The following PIGK variants were observed in gnomAD, a reference collection of about 807,000 sequenced individuals.
The protein encoded by PIGK is phosphatidylinositol glycan anchor biosynthesis class K.
PIGK carries 42 observed loss-of-function variants against 50.6 expected under a neutral mutation model. The observed-to-expected ratio is 0.83, with a 90% CI of 0.65 to 1.07. PIGK has a LOEUF of 1.07. Ranked by LOEUF, PIGK falls within the 50% of genes least tolerant of loss-of-function variation. PIGK has a pLI of 0.00. For missense variants in PIGK, 448 were observed against 488.7 expected (o/e 0.92, Z 0.78); for synonymous variants, 151 against 156.0 (o/e 0.97, Z 0.24).
intron 1 of PIGK, among the ~76,000 whole-genome samples, chr1:77,219,068 T>G (rs1326868379): frequency 1.3e-5 from 2 of 152,224 alleles, no homozygotes; most frequent in African/African-American, 4.8e-5. Flanking sequence ...TGCACACATG[T>G]AGGAGCAAAG....
chr1:77,150,423 A>C (rs905163064), intron 9 of PIGK, among the ~76,000 whole-genome samples: 2 of 151,284 alleles, frequency 1.3e-5, no homozygotes, highest in Admixed American at 6.6e-5. Context: ...TGGGAGGCTG[A>C]GGCAAAAGGA....
intron 5 of PIGK, among the ~76,000 whole-genome samples, chr1:77,165,369 T>C (rs1655211890): frequency 6.6e-6 from 1 of 152,060 alleles, no homozygotes; most frequent in South Asian, 2.1e-4. Context: ...TTAACTCTAT[T>C]GAGTTAATTT....
intron 4 of PIGK, among the ~76,000 whole-genome samples, chr1:77,168,766 TA>T (rs1323946839): frequency 7.2e-5 from 11 of 151,862 alleles, no homozygotes; most frequent in Admixed American, 2.6e-4. Context: ...CACAATCTTT[TA>T]TATTTAAAAT....
chr1:77,171,547 C>A (rs553589173), intron 3 of PIGK, among the ~76,000 whole-genome samples: 5 of 149,366 alleles, frequency 3.3e-5, no homozygotes, highest in Non-Finnish European at 7.4e-5. Context: ...TATATAATGT[C>A]AATATCAATC....
At chr1:77,192,868 C>T (rs952416633) in intron 3 of PIGK, among the ~76,000 whole-genome samples, 7 of 152,110 alleles carry the variant, frequency 4.6e-5, no homozygotes, top group African/African-American at 1.4e-4. Flanking sequence ...TTGTCCTTTG[C>T]TTCTTTTCTT....
At position 77,219,365 on chromosome 1, in the gene PIGK, A is replaced by T; in HGVS notation, c.38T>A (p.Val13Asp). 1 of 1,613,812 alleles carries T rather than the reference A, an allele frequency of 6.2e-7. No homozygotes were observed. The highest frequency in any genetic ancestry group is 8.5e-7 in the Non-Finnish European group (1 of 1,179,824). The change falls in exon 1 of 11, where the codon GTC becomes GAC. Residue 13 changes from valine (V) to aspartate (D), a missense_variant. Physicochemically the swap from Val to Asp is radical, Grantham distance 152. Coordinates refer to ENST00000370812, the MANE Select transcript of PIGK (RefSeq NM_005482.3). ...VTDSLSRAAT[V>D]LATVLLLSFG... ...GGACAAGAGCAACACAGTTGCCAAG[A>T]CAGTCGCAGCCCGGCTGAGGCTGTC...
chr1:77,093,354 A>G (rs1398876610), intron 10 of PIGK, among the ~76,000 whole-genome samples: 4 of 152,116 alleles, frequency 2.6e-5, no homozygotes, highest in African/African-American at 9.7e-5. Context: ...TTCAACAGCT[A>G]CATTACAGCC....
intron 3 of PIGK, among the ~76,000 whole-genome samples, chr1:77,170,050 C>T (rs1655325757): frequency 6.6e-6 from 1 of 152,200 alleles, no homozygotes; most frequent in Non-Finnish European, 1.5e-5. Context: ...CCCTACCTGG[C>T]ATCCTGCTTC....
intron 9 of PIGK, among the ~76,000 whole-genome samples, chr1:77,145,470 C>T (rs979294529): frequency 1.1e-4 from 17 of 151,850 alleles, no homozygotes; most frequent in African/African-American, 4.1e-4. Context: ...AAATAACATA[C>T]AAAATGTTTA....
chr1:77,196,583 C>T (rs1321391691), intron 3 of PIGK, among the ~76,000 whole-genome samples: 33 of 151,964 alleles, frequency 2.2e-4, no homozygotes, highest in Non-Finnish European at 4.4e-5. Flanking sequence ...TGTTGAGCAC[C>T]TTTTCATGTT....
chr1:77,182,864 T>C (rs1197253429), intron 3 of PIGK, among the ~76,000 whole-genome samples: 2 of 152,328 alleles, frequency 1.3e-5, no homozygotes, highest in East Asian at 1.9e-4. Flanking sequence ...AGGAGTTTAG[T>C]AACTCTATAC....
chr1:77,122,524 A>C (rs1654125326), intron 9 of PIGK, among the ~76,000 whole-genome samples, 165 bp from the exon 10 acceptor site: 2 of 152,348 alleles, frequency 1.3e-5, no homozygotes, highest in South Asian at 4.1e-4. Flanking sequence ...AAAAATTTTA[A>C]ATGACTATAG....
At chr1:77,102,075 A>G (rs1347979480) in intron 10 of PIGK, among the ~76,000 whole-genome samples, 1 of 152,208 alleles carries the variant, frequency 6.6e-6, no homozygotes, top group Admixed American at 6.5e-5. Context: ...AGACTTTCCA[A>G]TTGGGCAAAG....
intron 9 of PIGK, among the ~76,000 whole-genome samples, chr1:77,150,171 TAAAG>T (rs747529388): frequency 1.3e-5 from 2 of 151,940 alleles, no homozygotes; most frequent in Non-Finnish European, 2.9e-5. Flanking sequence ...CTATGCAACT[TAAAG>T]AACTCAAAAA....
chr1:77,217,167 G>A (rs924094749), intron 1 of PIGK, among the ~76,000 whole-genome samples: 6 of 152,144 alleles, frequency 3.9e-5, no homozygotes, highest in African/African-American at 1.2e-4. Flanking sequence ...ACAATGCTGG[G>A]CAAAAATAGC....
intron 8 of PIGK, 96 bp from the exon 9 acceptor site, chr1:77,154,717 A>G: frequency 1.3e-6 from 1 of 787,152 alleles, no homozygotes; most frequent in Non-Finnish European, 2.0e-6. Flanking sequence ...TGTATTTTTA[A>G]AACTCTCCCA....
intron 3 of PIGK, among the ~76,000 whole-genome samples, chr1:77,171,491 T>C (rs1281837537): frequency 6.8e-6 from 1 of 146,736 alleles, no homozygotes; most frequent in Non-Finnish European, 1.5e-5. Context: ...ATGTTTTCTG[T>C]TTAGGGTTAA....
chr1:77,201,943 A>C (rs1363635536), intron 3 of PIGK, among the ~76,000 whole-genome samples: 1 of 151,860 alleles, frequency 6.6e-6, no homozygotes, highest in African/African-American at 2.4e-5. Context: ...CTGTAGTTCC[A>C]GCTACTTGGG....
chr1:77,154,863 T>C (rs965757022), intron 8 of PIGK, among the ~76,000 whole-genome samples: 2 of 152,202 alleles, frequency 1.3e-5, no homozygotes, highest in Non-Finnish European at 2.9e-5. Flanking sequence ...GGAAAAGGCA[T>C]ACTCACTTTC....
Sources: gnomAD v4.1 joint callset for allele counts (sites outside exome capture counted in the v4.1 genomes callset) on GRCh38, gnomAD v4.1.1 for gene constraint, MANE v1.5 for transcripts, NCBI Gene and HGNC (gene_info 2026-07-23, HGNC 2026-07-21) for gene names.